CBLN2: variants seen among roughly 807,000 people sequenced by gnomAD.
The protein encoded by CBLN2 is cerebellin-2.
In CBLN2, 7 loss-of-function variants were observed where a neutral mutation model predicts 15.0. The observed-to-expected ratio is 0.47, with a 90% CI of 0.27 to 0.88. The LOEUF (loss-of-function observed/expected upper bound fraction) is 0.88, where lower values mean the gene tolerates loss of function less well. Among genes scored for constraint, CBLN2 ranks in the 40% least tolerant of loss-of-function variants. CBLN2 has a pLI of 0.14. For missense variants in CBLN2, 242 were observed against 304.5 expected (o/e 0.79, Z 1.53); for synonymous variants, 149 against 135.2 (o/e 1.10, Z -0.71).
Position 72,537,192 on chromosome 18 carries a change from A to G in CBLN2, c.*984T>C, listed in dbSNP as rs1354210377. 1 of 152,152 alleles carries G rather than the reference A, an allele frequency of 6.6e-6. No homozygotes were observed. Among genetic ancestry groups the G allele is most frequent in the East Asian group, 1.9e-4 (1 of 5,182 alleles). The allele number at this position is 152,152 out of a possible 1,614,324, so 9.4% of individuals were successfully genotyped here. The stretch of plus-strand genomic sequence containing the variant: ...TCATTACAGCTTCCATTACCAACTT[A>G]TATGATTCAGGACCACTCAGGAACA... On this transcript the variant is annotated 3_prime_UTR_variant, in exon 5 of 5. Transcript: ENST00000269503.
chr18:72,585,844 C>T (rs1326586922), intron 1 of CBLN2, among the ~76,000 whole-genome samples: 1 of 152,192 alleles, frequency 6.6e-6, no homozygotes, highest in Non-Finnish European at 1.5e-5. Flanking sequence ...CAGAGATGGC[C>T]AAGACATCAG....
intron 1 of CBLN2, among the ~76,000 whole-genome samples, chr18:72,578,039 T>C (rs922677190): frequency 6.6e-6 from 1 of 152,222 alleles, no homozygotes; most frequent in African/African-American, 2.4e-5. Context: ...CAGCTCTGCG[T>C]ACTCTTTGCT....
At chr18:72,615,252 T>TA (rs2069652402) in intron 1 of CBLN2, among the ~76,000 whole-genome samples, 1 of 130,282 alleles carries the variant, frequency 7.7e-6, no homozygotes, top group South Asian at 2.2e-4. Flanking sequence ...TAAATATATA[T>TA]TTATATATGT....
chr18:72,590,776 A>G (rs1282257796), intron 1 of CBLN2, among the ~76,000 whole-genome samples: 1 of 152,202 alleles, frequency 6.6e-6, no homozygotes, highest in Admixed American at 6.5e-5. Flanking sequence ...AGTGATGTCT[A>G]AGTCCCATCC....
At chr18:72,605,732 T>C (rs1405494774) in intron 1 of CBLN2, among the ~76,000 whole-genome samples, 1 of 152,244 alleles carries the variant, frequency 6.6e-6, no homozygotes, top group Non-Finnish European at 1.5e-5. Flanking sequence ...TTTTCTAATA[T>C]ATAATTTTCC....
At chr18:72,540,476 A>G (rs1304818241) in intron 3 of CBLN2, among the ~76,000 whole-genome samples, 3 of 152,220 alleles carry the variant, frequency 2.0e-5, no homozygotes, top group African/African-American at 7.2e-5. Context: ...AGGTGGATAT[A>G]AAAATGCTAT....
In CBLN2 at chr18:72,611,089, G is replaced by A. The variant is rs540918131; in HGVS notation, c.15+27236C>T. On this transcript the variant is annotated intron_variant, in intron 1 of 2. Transcript: ENST00000581073. ...ACATTATTTCATATTTTTTATGGCT[G>A]CATAGTATTTCATGGTGTATATGTA... 2.6e-5 allele frequency among the ~76,000 whole-genome samples: 4 copies of A among 152,222 alleles called. No homozygotes were observed. In the South Asian group the frequency reaches 8.3e-4, roughly 32 times the overall value.
At chr18:72,578,957 G>A (rs1287221073) in intron 1 of CBLN2, among the ~76,000 whole-genome samples, 1 of 152,130 alleles carries the variant, frequency 6.6e-6, no homozygotes, top group Non-Finnish European at 1.5e-5. Context: ...GTCGCTCTCT[G>A]TGTCACAATC....
At chr18:72,627,371 C>T (rs999653820) in intron 1 of CBLN2, among the ~76,000 whole-genome samples, 1 of 152,096 alleles carries the variant, frequency 6.6e-6, no homozygotes, top group African/African-American at 2.4e-5. Context: ...TATATGAGGG[C>T]TTCATAATTG....
intron 1 of CBLN2, among the ~76,000 whole-genome samples, chr18:72,553,916 A>C: frequency 6.6e-6 from 1 of 152,304 alleles, no homozygotes; most frequent in Non-Finnish European, 1.5e-5. Context: ...CTTGAAGACA[A>C]CTGTCAGATT....
rs577864962 is a variant in CBLN2, at chr18:72,614,248, A to G, written c.15+24077T>C. 3.3e-5 allele frequency among the ~76,000 whole-genome samples: 5 copies of G among 152,340 alleles called. No individual in the cohort carries two copies. In the East Asian group the frequency reaches 7.7e-4, roughly 24 times the overall value. On this transcript the variant is annotated intron_variant, in intron 1 of 2. Transcript: ENST00000581073. ...TCTTAAAAGCTATTTATACATTTCA[A>G]CATGAAAACACATTGATTTAAATAA...
At chr18:72,567,897 A>C (rs1019889321) in intron 1 of CBLN2, among the ~76,000 whole-genome samples, 6 of 152,242 alleles carry the variant, frequency 3.9e-5, no homozygotes, top group Non-Finnish European at 8.8e-5. Context: ...CTATTGCACA[A>C]GTTAAAATCA....
At chr18:72,561,351 A>G (rs2144893852) in intron 1 of CBLN2, among the ~76,000 whole-genome samples, 1 of 152,238 alleles carries the variant, frequency 6.6e-6, no homozygotes, top group South Asian at 2.1e-4. Flanking sequence ...TTATATGAGA[A>G]TACTCAATGT....
In CBLN2 at chr18:72,619,172, C is replaced by T. The variant is rs952699634; in HGVS notation, c.15+19153G>A. 28 of 771,960 alleles carry T rather than the reference C, an allele frequency of 3.6e-5. No homozygotes were observed. In the African/African-American group the frequency reaches 4.6e-4, roughly 13 times the overall value. The allele number at this position is 771,960 out of a possible 1,614,324, so 47.8% of individuals were successfully genotyped here. ...TTGCCAAACCACAAAACCAAGGTGG[C>T]TGGGGTGGTTCCAGTAGCAGCAGTA... On this transcript the variant is annotated intron_variant, in intron 1 of 2. Coordinates refer to the CBLN2 transcript ENST00000581073.
At position 72,542,189 on chromosome 18, in the gene CBLN2, G is replaced by A; in HGVS notation, c.-29C>T. 1.7e-6 allele frequency: 2 copies of A among 1,196,614 alleles called. No homozygotes were observed. The allele number at this position is 1,196,614 out of a possible 1,614,324, so 74.1% of individuals were successfully genotyped here. A position where few individuals can be genotyped will look rare whatever the true frequency, so the allele number is the denominator to read the frequency against. On this transcript the variant is annotated 5_prime_UTR_variant, in exon 3 of 5. Transcript: ENST00000269503. ...GACTGGTGGGAGGCGGCGCGCGGGG[G>A]TGGAGGCCGGCGCCGGCGCGAGCGG...
At position 72,543,215 on chromosome 18, in the gene CBLN2, C is replaced by T; in HGVS notation, c.-167+271G>A. 3.1e-6 allele frequency: 1 copy of T among 325,718 alleles called. No homozygotes were observed. The highest frequency in any genetic ancestry group is 5.5e-6 in the Non-Finnish European group (1 of 180,192). 20.2% of individuals were successfully genotyped at this position (325,718 alleles called of 1,614,324 possible). ...CCCGTCCCCGCTCCTCCCAGGAAAG[C>T]AGACAGGCCATTTCAATACCAGCCC... On this transcript the variant is annotated intron_variant, in intron 2 of 4. Coordinates refer to ENST00000269503, the MANE Select transcript of CBLN2 (RefSeq NM_182511.4). This position sits in a 1 kb window ranked among gnomAD's most constrained non-coding sequence, Gnocchi z 6.8.
At chr18:72,602,964 T>C (rs2069558862) in intron 1 of CBLN2, among the ~76,000 whole-genome samples, 1 of 152,250 alleles carries the variant, frequency 6.6e-6, no homozygotes, top group Admixed American at 6.5e-5. Flanking sequence ...CATGGTGTGC[T>C]GGAGGCAAAT....
At chr18:72,594,029 AG>A (rs1420032169) in intron 1 of CBLN2, among the ~76,000 whole-genome samples, 1 of 152,198 alleles carries the variant, frequency 6.6e-6, no homozygotes, top group East Asian at 1.9e-4. Context: ...AAACTAACAC[AG>A]GAACAGAAAA....
intron 1 of CBLN2, among the ~76,000 whole-genome samples, chr18:72,608,191 G>T (rs2069596594): frequency 6.6e-6 from 1 of 152,150 alleles, no homozygotes; most frequent in African/African-American, 2.4e-5. Flanking sequence ...ATCCTAGAAA[G>T]AAAACTCCTT....
Sources: gnomAD v4.1 joint callset for allele counts (sites outside exome capture counted in the v4.1 genomes callset) on GRCh38, gnomAD v4.1.1 for gene constraint, Gnocchi (gnomAD v3.1) non-coding constraint, MANE v1.5 for transcripts, NCBI Gene and HGNC (gene_info 2026-07-23, HGNC 2026-07-21) for gene names.